NDC1: variants seen among roughly 807,000 people sequenced by gnomAD.
NDC1 encodes nucleoporin NDC1.
A neutral mutation model predicts 89.8 loss-of-function variants in NDC1; 24 were observed. The observed-to-expected ratio is 0.27, with a 90% CI of 0.19 to 0.38. NDC1 has a LOEUF of 0.38. NDC1 is among the 10% of genes least tolerant of loss of function. The pLI, the probability that NDC1 is intolerant of heterozygous loss-of-function variation, is 1.00. For synonymous variants in NDC1, 296 were observed against 284.8 expected, an observed-to-expected ratio of 1.04 and a Z score of -0.39; for missense variants, 728 against 797.6, an observed-to-expected ratio of 0.91 and a Z score of 1.05.
At chr1:53,808,971 G>C (rs2100666228) in intron 7 of NDC1, among the ~76,000 whole-genome samples, 1 of 152,312 alleles carries the variant, frequency 6.6e-6, no homozygotes, top group South Asian at 2.1e-4. Flanking sequence ...CAAACACTGA[G>C]AGAGACTGAC....
intron 14 of NDC1, among the ~76,000 whole-genome samples, chr1:53,789,608 G>A (rs1647416366): frequency 6.6e-6 from 1 of 152,114 alleles, no homozygotes; most frequent in Non-Finnish European, 1.5e-5. Context: ...GACCAGCCTG[G>A]CCAATATAGT....
chr1:53,789,195 T>C lies in NDC1; in HGVS notation c.1637A>G (p.His546Arg), dbSNP rs1647404787. 1 of 1,602,062 alleles carries C rather than the reference T, an allele frequency of 6.2e-7. No homozygotes were observed. Among genetic ancestry groups the C allele is most frequent in the Admixed American group, 1.7e-5 (1 of 57,966 alleles). ...AACAGCCTGAATGGAGGCCTCTGGGTGCTACAAATAAAAACAAAAACATTC... is the reference window on the plus strand; with the variant it reads ...AACAGCCTGAATGGAGGCCTCTGGGCGCTACAAATAAAAACAAAAACATTC... ...RVLIMYFFSK[H>R]PEASIQAVFS... Residue 546 changes from histidine (H) to arginine (R), a missense_variant and splice_region_variant, in exon 15 of 18, where the codon CAC becomes CGC. Physicochemically the swap from His to Arg is conservative, Grantham distance 29. Transcript: ENST00000371429.
At position 53,825,853 on chromosome 1, in the gene NDC1, T is replaced by C. The variant is rs772892329; in HGVS notation, c.539A>G (p.Tyr180Cys). ...LLTGAFMGYS[Y>C]SLLYFVNNMN... ...GTTGTTAACAAAATACAGGAGGCTA[T>C]AGCTATAGCCCATAAATGCTCCAGT... Residue 180 changes from tyrosine (Y) to cysteine (C), a missense_variant, in exon 5 of 18, where the codon TAT becomes TGT. Tyr to Cys is a radical substitution (Grantham distance 194, BLOSUM62 -2). Coordinates refer to ENST00000371429, the MANE Select transcript of NDC1 (RefSeq NM_018087.5). 8.1e-6 allele frequency: 13 copies of C among 1,610,504 alleles called. No individual in the cohort carries two copies. The highest frequency in any genetic ancestry group is 1.0e-5 in the Non-Finnish European group (12 of 1,178,894).
At chr1:53,775,095 G>C (rs1647151354) in intron 16 of NDC1, among the ~76,000 whole-genome samples, 1 of 151,984 alleles carries the variant, frequency 6.6e-6, no homozygotes, top group Non-Finnish European at 1.5e-5. Context: ...TCAAAATTTA[G>C]GCTGTATCTC....
chr1:53,768,133 A>G (rs923649231), intron 17 of NDC1, 100 bp from the exon 18 acceptor site: 8 of 656,436 alleles, frequency 1.2e-5, no homozygotes, highest in Admixed American at 7.3e-5. Context: ...ACAATTAAAA[A>G]TGAATAGAAA....
rs1478352937 is a variant in NDC1, at chr1:53,838,213, G to T, written c.49C>A (p.Leu17Met). 1 of 1,535,652 alleles carries T rather than the reference G, an allele frequency of 6.5e-7. No homozygotes were observed. Among genetic ancestry groups the T allele is most frequent in the Non-Finnish European group, 8.7e-7 (1 of 1,145,960 alleles). Residue 17 changes from leucine (L) to methionine (M), a missense_variant, in exon 1 of 18, where the codon CTG becomes ATG. Leu to Met is a conservative substitution (Grantham distance 15, BLOSUM62 2). Transcript: ENST00000371429. ...GTGCACGCCGCACTCACGCGCCACA[G>T]TATGTCCCGCGACCTGCCGGCGCAG... is the stretch of plus-strand genomic sequence containing the variant. ...RPCAGRSRDI[L>M]WRVLGWRIVA... is the part of the protein sequence containing the mutation.
chr1:53,775,054 T>A (rs1447357846), intron 16 of NDC1, among the ~76,000 whole-genome samples: 1 of 152,222 alleles, frequency 6.6e-6, no homozygotes, highest in African/African-American at 2.4e-5. Context: ...TATGCATAAA[T>A]CTGGAATATA....
intron 16 of NDC1, among the ~76,000 whole-genome samples, chr1:53,785,860 C>A (rs1263205536): frequency 6.6e-6 from 1 of 152,084 alleles, no homozygotes; most frequent in Admixed American, 6.6e-5. Flanking sequence ...TAGTTCAATT[C>A]CACTTCCTCC....
chr1:53,785,464 C>T (rs1647279668), intron 16 of NDC1, among the ~76,000 whole-genome samples: 2 of 152,162 alleles, frequency 1.3e-5, no homozygotes, highest in Admixed American at 1.3e-4. Context: ...AAGGTACTCA[C>T]AAAAAGTGCT....
chr1:53,779,509 T>C (rs769339137), intron 16 of NDC1, among the ~76,000 whole-genome samples: 20 of 152,306 alleles, frequency 1.3e-4, no homozygotes, highest in Non-Finnish European at 2.4e-4. Context: ...TGATTCCAGA[T>C]CTCACACTTT....
chr1:53,768,781 T>C (rs997125558), intron 17 of NDC1, among the ~76,000 whole-genome samples: 6 of 152,208 alleles, frequency 3.9e-5, no homozygotes, highest in Non-Finnish European at 7.3e-5. Flanking sequence ...CTTATAGACA[T>C]CTTTGCTTTC....
At chr1:53,770,368 G>A (rs1275509199) in intron 17 of NDC1, among the ~76,000 whole-genome samples, 3 of 152,010 alleles carry the variant, frequency 2.0e-5, no homozygotes, top group African/African-American at 7.2e-5. Flanking sequence ...GTGCAGTGGT[G>A]CAGTATCGGC....
chr1:53,838,108 G>T, intron 1 of NDC1, 97 bp downstream of exon 1: 1 of 1,148,190 alleles, frequency 8.7e-7, no homozygotes, highest in South Asian at 1.4e-5. Flanking sequence ...ACGCTGCCCC[G>T]GGACCGGCCC....
chr1:53,828,615 T>G (rs977163642), intron 3 of NDC1, among the ~76,000 whole-genome samples: 1 of 151,716 alleles, frequency 6.6e-6, no homozygotes, highest in South Asian at 2.1e-4. Context: ...TTTTATTTTA[T>G]TTTATTTATT....
At chr1:53,785,893 G>A (rs1647290844) in intron 16 of NDC1, among the ~76,000 whole-genome samples, 1 of 150,790 alleles carries the variant, frequency 6.6e-6, no homozygotes, top group Admixed American at 6.6e-5. Flanking sequence ...ATATACACCA[G>A]ATGCTATTTT....
At chr1:53,771,893 T>C (rs900905666) in intron 17 of NDC1, among the ~76,000 whole-genome samples, 106 of 152,154 alleles carry the variant, frequency 7.0e-4, no homozygotes, top group Non-Finnish European at 2.9e-5. Context: ...CTGTTGGTGT[T>C]TTTCCAGCAT....
At chr1:53,783,245 C>T (rs112154802) in intron 16 of NDC1, among the ~76,000 whole-genome samples, 1 of 151,424 alleles carries the variant, frequency 6.6e-6, no homozygotes, top group African/African-American at 2.4e-5. Flanking sequence ...ATTACCCACA[C>T]AGACTCTGAA....
intron 9 of NDC1, among the ~76,000 whole-genome samples, chr1:53,805,574 CTA>C (rs1490429842): frequency 6.6e-6 from 1 of 152,156 alleles, no homozygotes; most frequent in Non-Finnish European, 1.5e-5. Flanking sequence ...CAAATTCAAT[CTA>C]AACCATTTAT....
At chr1:53,804,104 T>A in intron 9 of NDC1, 95 bp from the exon 10 acceptor site, 5 of 871,172 alleles carry the variant, frequency 5.7e-6, no homozygotes, top group Non-Finnish European at 7.2e-6. Context: ...CAAGAGGAAA[T>A]TAATTAAACT....
Sources: allele counts gnomAD v4.1 joint callset (sites outside exome capture counted in the v4.1 genomes callset), GRCh38; gene constraint gnomAD v4.1.1; transcripts MANE v1.5; gene names NCBI Gene and HGNC (gene_info 2026-07-23, HGNC 2026-07-21).